GRID2: variants seen among roughly 807,000 people sequenced by gnomAD.
GRID2 encodes glutamate receptor ionotropic, delta-2.
In GRID2, 33 loss-of-function variants were observed where a neutral mutation model predicts 114.8. That is an observed-to-expected ratio of 0.29 (90% CI 0.22 to 0.38). GRID2 has a LOEUF of 0.38. GRID2 is among the 10% of genes least tolerant of loss of function. GRID2 has a pLI of 1.00. For missense variants in GRID2, 1,184 were observed against 1,257.7 expected (o/e 0.94, Z 0.89); for synonymous variants, 505 against 449.9 (o/e 1.12, Z -1.55).
chr4:93,215,750 A>C (rs2149481497), intron 5 of GRID2, among the ~76,000 whole-genome samples: 1 of 152,242 alleles, frequency 6.6e-6, no homozygotes, highest in East Asian at 1.9e-4. Context: ...GTAAGAAAAA[A>C]AGAACATTTA....
Position 93,212,718 on chromosome 4 carries a change from T to C in GRID2, c.790-4020T>C, listed in dbSNP as rs540831905. Among the ~76,000 whole-genome samples, 7 of 152,286 alleles carry C rather than the reference T, an allele frequency of 4.6e-5. No individual in the cohort carries two copies. In the South Asian group the frequency reaches 1.0e-3, roughly 23 times the overall value. On this transcript the variant is annotated intron_variant, in intron 5 of 15. Coordinates refer to ENST00000282020, the MANE Select transcript of GRID2 (RefSeq NM_001510.4). ...GAATAGTGTAAGACATTATTCTCTG[T>C]TAATCACTGCTGAGTATTACATTTA... is the stretch of plus-strand genomic sequence containing the variant.
At chr4:92,563,086 C>T (rs1483863146) in intron 1 of GRID2, among the ~76,000 whole-genome samples, 3 of 152,054 alleles carry the variant, frequency 2.0e-5, no homozygotes. Context: ...GTGGCAGTGG[C>T]CTTTGTGGAG....
At chr4:92,438,110 T>C (rs1732826950) in intron 1 of GRID2, among the ~76,000 whole-genome samples, 1 of 152,196 alleles carries the variant, frequency 6.6e-6, no homozygotes, top group African/African-American at 2.4e-5. Flanking sequence ...CCATCGTTGG[T>C]ATTGTAGTTA....
chr4:93,574,619 T>C (rs1039498928), intron 13 of GRID2, among the ~76,000 whole-genome samples: 2 of 152,050 alleles, frequency 1.3e-5, no homozygotes, highest in Non-Finnish European at 2.9e-5. Flanking sequence ...GTGAGACTTA[T>C]TCACTATCAC....
chr4:92,601,503 T>A (rs748180491), intron 2 of GRID2, among the ~76,000 whole-genome samples: 9 of 152,168 alleles, frequency 5.9e-5, no homozygotes, highest in Non-Finnish European at 8.8e-5. Context: ...AGAGAAAACA[T>A]ACCAGATTCT....
intron 1 of GRID2, among the ~76,000 whole-genome samples, chr4:92,325,195 C>A (rs891246448): frequency 6.6e-6 from 1 of 151,950 alleles, no homozygotes; most frequent in Non-Finnish European, 1.5e-5. Context: ...AGCTCAAATG[C>A]CATTTTACCC....
At chr4:92,625,413 G>A (rs754478429) in intron 2 of GRID2, among the ~76,000 whole-genome samples, 3 of 151,734 alleles carry the variant, frequency 2.0e-5, no homozygotes, top group African/African-American at 4.8e-5. Flanking sequence ...TGAAGATCAA[G>A]TAGATAATTA....
At chr4:92,727,620 T>C (rs1357360887) in intron 2 of GRID2, among the ~76,000 whole-genome samples, 1 of 152,134 alleles carries the variant, frequency 6.6e-6, no homozygotes, top group Non-Finnish European at 1.5e-5. Flanking sequence ...GACACATTAA[T>C]GATATTGTGA....
At chr4:93,332,291 TGTGTGTGTGA>T (rs1758565186) in intron 8 of GRID2, among the ~76,000 whole-genome samples, 37 of 107,282 alleles carry the variant, frequency 3.4e-4, no homozygotes, top group African/African-American at 1.5e-3. Context: ...TGTGTGTGTG[TGTGTGTGTGA>T]GAGAGAGAGA....
chr4:92,894,920 A>G (rs1747051734), intron 2 of GRID2, among the ~76,000 whole-genome samples: 1 of 152,038 alleles, frequency 6.6e-6, no homozygotes, highest in Admixed American at 6.6e-5. Context: ...TTCTTGAAAT[A>G]GAATTAAGAT....
chr4:93,102,424 A>C (rs2149341766), intron 3 of GRID2, among the ~76,000 whole-genome samples: 1 of 152,300 alleles, frequency 6.6e-6, no homozygotes, highest in East Asian at 1.9e-4. Flanking sequence ...CACATTTGTT[A>C]CCCATATTCA....
intron 4 of GRID2, among the ~76,000 whole-genome samples, chr4:93,129,901 G>T (rs1304205858): frequency 6.6e-6 from 1 of 152,078 alleles, no homozygotes; most frequent in Non-Finnish European, 1.5e-5. Flanking sequence ...TTCAGAGATG[G>T]AGTGGATCTA....
intron 11 of GRID2, among the ~76,000 whole-genome samples, chr4:93,473,229 G>A (rs1411759136): frequency 1.3e-5 from 2 of 151,884 alleles, no homozygotes; most frequent in East Asian, 1.9e-4. Context: ...TCATTCTAGT[G>A]GTTCAATCTT....
At position 92,732,327 on chromosome 4, in the gene GRID2, G is replaced by C. The variant is rs111831848; in HGVS notation, c.244+142041G>C. Among the ~76,000 whole-genome samples, 853 of 151,996 alleles carry C rather than the reference G, an allele frequency of 5.6e-3. 4 individuals are homozygous for C. The highest frequency in any genetic ancestry group is 0.02 in the African/African-American group (822 of 41,504). ...TTTAAATTGTATGGTTACTGATTCAGTATCATCTAAAATATATGTATTCAT... is the reference window on the plus strand; with the variant it reads ...TTTAAATTGTATGGTTACTGATTCACTATCATCTAAAATATATGTATTCAT... On this transcript the variant is annotated intron_variant, in intron 2 of 15. Transcript: ENST00000282020.
At position 92,438,588 on chromosome 4, in the gene GRID2, G is replaced by A. The variant is rs1259888298; in HGVS notation, c.88+133844G>A. 2.0e-5 allele frequency among the ~76,000 whole-genome samples: 3 copies of A among 151,588 alleles called. No homozygotes were observed. The East Asian group carries it at 5.8e-4, about 29-fold the overall frequency. On this transcript the variant is annotated intron_variant, in intron 1 of 15. Coordinates refer to ENST00000282020, the MANE Select transcript of GRID2 (RefSeq NM_001510.4). ...TTGGCAGTTTACCTTCTGTGTGTGT[G>A]TGTGTGTGTGTGTGTGTGTGTTTCT... is the stretch of plus-strand genomic sequence containing the variant.
chr4:92,802,107 G>A (rs1313081900), intron 2 of GRID2, among the ~76,000 whole-genome samples: 3 of 151,762 alleles, frequency 2.0e-5, no homozygotes, highest in Non-Finnish European at 4.4e-5. Context: ...TCTATCCTAA[G>A]TTGTACTTTT....
chr4:92,485,318 A>AG (rs1722813249), intron 1 of GRID2, among the ~76,000 whole-genome samples: 1 of 90,658 alleles, frequency 1.1e-5, no homozygotes, highest in Non-Finnish European at 2.4e-5. Context: ...ATATATATAT[A>AG]TATATATATA....
At chr4:92,539,306 T>G (rs1725811157) in intron 1 of GRID2, among the ~76,000 whole-genome samples, 1 of 152,166 alleles carries the variant, frequency 6.6e-6, no homozygotes, top group South Asian at 2.1e-4. Context: ...AAACATGTTG[T>G]GTCTGTAAAT....
chr4:93,568,358 T>C (rs1016629261), intron 13 of GRID2, among the ~76,000 whole-genome samples: 3 of 152,194 alleles, frequency 2.0e-5, no homozygotes, highest in Non-Finnish European at 4.4e-5. Flanking sequence ...AATCCCCTTC[T>C]AGGGATTCCT....
Sources: allele counts gnomAD v4.1 joint callset (sites outside exome capture counted in the v4.1 genomes callset), GRCh38; gene constraint gnomAD v4.1.1; transcripts MANE v1.5; gene names NCBI Gene and HGNC (gene_info 2026-07-23, HGNC 2026-07-21).